PCCA: variants seen among roughly 807,000 people sequenced by gnomAD.
PCCA encodes propionyl-CoA carboxylase alpha chain, mitochondrial.
In PCCA, 74 loss-of-function variants were observed where a neutral mutation model predicts 101.3. The observed-to-expected ratio is 0.73, with a 90% confidence interval of 0.61 to 0.89. The LOEUF (loss-of-function observed/expected upper bound fraction) is 0.89. Ranked by LOEUF, PCCA falls within the 40% of genes least tolerant of loss-of-function variation. PCCA has a pLI of 0.00. For missense variants in PCCA, 891 were observed against 907.0 expected (o/e 0.98, Z 0.23); for synonymous variants, 294 against 313.6 (o/e 0.94, Z 0.66).
intron 4 of PCCA, chr13:100,149,155 T>A (rs1442871817): frequency 3.0e-5 from 4 of 134,258 alleles, no homozygotes; most frequent in African/African-American, 1.1e-4. Flanking sequence ...TTTTATCTGG[T>A]TGTTTGATTT....
At chr13:100,294,120 G>T (rs938497372) in intron 12 of PCCA, among the ~76,000 whole-genome samples, 7 of 152,132 alleles carry the variant, frequency 4.6e-5, no homozygotes, top group Non-Finnish European at 8.8e-5. Context: ...CTCGTTGCTT[G>T]TGGGTGGCCA....
chr13:100,175,740 G>T (rs955893439), intron 6 of PCCA, among the ~76,000 whole-genome samples: 2 of 152,216 alleles, frequency 1.3e-5, no homozygotes, highest in African/African-American at 4.8e-5. Flanking sequence ...AGGCCTTTCA[G>T]TTGGTTCTGA....
At chr13:100,527,832 T>TG (rs1422159355) in intron 23 of PCCA, 80 bp downstream of exon 23, 2 of 1,072,794 alleles carry the variant, frequency 1.9e-6, no homozygotes, top group African/African-American at 3.1e-5. Flanking sequence ...GTGGTTTGGC[T>TG]GGAAAGGGCC....
At chr13:100,179,358 A>G (rs529543046) in intron 6 of PCCA, among the ~76,000 whole-genome samples, 1 of 152,014 alleles carries the variant, frequency 6.6e-6, no homozygotes, top group Non-Finnish European at 1.5e-5. Context: ...GAAACAGATG[A>G]TTTCTGCATT....
intron 21 of PCCA, among the ~76,000 whole-genome samples, chr13:100,451,739 TTC>T (rs1299578601): frequency 1.1e-5 from 1 of 87,188 alleles, no homozygotes; most frequent in African/African-American, 4.6e-5. Flanking sequence ...TCTCTCTCTC[TTC>T]TCTCCTTCCT....
intron 8 of PCCA, among the ~76,000 whole-genome samples, chr13:100,248,439 T>C (rs949506645): frequency 1.3e-5 from 2 of 152,204 alleles, no homozygotes; most frequent in African/African-American, 4.8e-5. Flanking sequence ...CCTTCAGGTG[T>C]CCTTCATCTT....
At chr13:100,155,486 AT>A (rs1483208987) in intron 5 of PCCA, among the ~76,000 whole-genome samples, 2 of 152,246 alleles carry the variant, frequency 1.3e-5, no homozygotes, top group East Asian at 1.9e-4. Context: ...TAATTTAAAA[AT>A]TACTTATACC....
chr13:100,295,995 T>C (rs1283096739), intron 12 of PCCA, among the ~76,000 whole-genome samples: 1 of 152,234 alleles, frequency 6.6e-6, no homozygotes, highest in Admixed American at 6.5e-5. Context: ...TTGCCTGTTA[T>C]TCAGTTACTG....
chr13:100,326,738 C>G (rs893613669), intron 16 of PCCA, among the ~76,000 whole-genome samples: 4 of 151,978 alleles, frequency 2.6e-5, no homozygotes, highest in African/African-American at 9.7e-5. Context: ...TTATGATGAT[C>G]CACTTCCACT....
At chr13:100,492,442 T>C (rs993622321) in intron 21 of PCCA, among the ~76,000 whole-genome samples, 2 of 151,906 alleles carry the variant, frequency 1.3e-5, no homozygotes, top group African/African-American at 4.8e-5. Flanking sequence ...TGGACTGTCT[T>C]CTCTCTAAGC....
intron 4 of PCCA, among the ~76,000 whole-genome samples, chr13:100,130,041 C>A (rs764209305): frequency 6.6e-6 from 1 of 152,258 alleles, no homozygotes; most frequent in Non-Finnish European, 1.5e-5. Context: ...TATGAACTCA[C>A]TGTGCCATCC....
At chr13:100,373,403 T>G (rs2075699772) in intron 19 of PCCA, among the ~76,000 whole-genome samples, 1 of 152,182 alleles carries the variant, frequency 6.6e-6, no homozygotes, top group Non-Finnish European at 1.5e-5. Context: ...AAAAGTAGAA[T>G]TACATAGTAA....
At position 100,129,571 on chromosome 13, in the gene PCCA, C is replaced by T. The variant is rs114656583; in HGVS notation, c.300+17510C>T. Among the ~76,000 whole-genome samples, 1,107 of 152,214 alleles carry T rather than the reference C, an allele frequency of 7.3e-3. 17 individuals are homozygous for T. The highest frequency in any genetic ancestry group is 0.017 in the African/African-American group (720 of 41,536). ...CCTGACCAGTAGTTTTGTGGGTGCC[C>T]CCCCGCCGGCATTTTGGATTCCTAA... On this transcript the variant is annotated intron_variant, in intron 4 of 23. Coordinates refer to ENST00000376285, the MANE Select transcript of PCCA (RefSeq NM_000282.4).
At chr13:100,335,877 TACAG>T (rs1440654112) in intron 17 of PCCA, among the ~76,000 whole-genome samples, 1 of 152,110 alleles carries the variant, frequency 6.6e-6, no homozygotes, top group Non-Finnish European at 1.5e-5. Flanking sequence ...CAGATTACCC[TACAG>T]ACAAAGCTGC....
chr13:100,438,697 C>T (rs889012055), intron 20 of PCCA, among the ~76,000 whole-genome samples: 31 of 151,758 alleles, frequency 2.0e-4, no homozygotes, highest in African/African-American at 7.3e-4. Flanking sequence ...TGTCTTGCAG[C>T]CATCCGAGAT....
rs371192761 is a variant in PCCA, at chr13:100,455,235, T to C, written c.1899+5930T>C. 3.9e-5 allele frequency among the ~76,000 whole-genome samples: 6 copies of C among 152,338 alleles called. No individual in the cohort carries two copies. In the East Asian group the frequency reaches 1.2e-3, roughly 29 times the overall value. On this transcript the variant is annotated intron_variant, in intron 21 of 23. Coordinates refer to ENST00000376285, the MANE Select transcript of PCCA (RefSeq NM_000282.4). ...AGTGGTGTGACCAGGGAAGCCTTCCTTGAGAAGGAGGCTACTAGCCTGAAG... is the reference window on the plus strand; with the variant it reads ...AGTGGTGTGACCAGGGAAGCCTTCCCTGAGAAGGAGGCTACTAGCCTGAAG...
At chr13:100,425,885 A>T (rs1364350827) in intron 20 of PCCA, among the ~76,000 whole-genome samples, 154 bp downstream of exon 20, 1 of 152,176 alleles carries the variant, frequency 6.6e-6, no homozygotes, top group Non-Finnish European at 1.5e-5. Context: ...TTCTTATTTT[A>T]GAGGATCTTA....
chr13:100,321,844 A>C (rs2390383), intron 16 of PCCA, among the ~76,000 whole-genome samples: 94,504 of 151,792 alleles, frequency 0.62, 29,650 homozygotes, highest in East Asian at 0.78. Context: ...CTCTTGAGTC[A>C]GGAACAGAAA....
At chr13:100,493,236 G>T (rs2085033308) in intron 21 of PCCA, among the ~76,000 whole-genome samples, 1 of 152,134 alleles carries the variant, frequency 6.6e-6, no homozygotes, top group African/African-American at 2.4e-5. Flanking sequence ...CCAAGCAAAC[G>T]AGCTTCACCC....
Sources: gnomAD v4.1 joint callset for allele counts (sites outside exome capture counted in the v4.1 genomes callset) on GRCh38, gnomAD v4.1.1 for gene constraint, MANE v1.5 for transcripts, NCBI Gene and HGNC (gene_info 2026-07-23, HGNC 2026-07-21) for gene names.